The following DLC1 variants were observed in gnomAD, a reference collection of about 807,000 sequenced individuals.
DLC1 encodes the protein DLC1 Rho GTPase activating protein.
DLC1 carries 54 observed loss-of-function variants against 140.3 expected under a neutral mutation model. The observed-to-expected ratio is 0.38, with a 90% CI of 0.31 to 0.48. DLC1 has a LOEUF of 0.48. Ranked by LOEUF, DLC1 falls within the 20% of genes least tolerant of loss-of-function variation. DLC1 has a pLI of 0.96. For missense variants in DLC1, 2,536 were observed against 1,907.0 expected (o/e 1.33, Z -6.14); for synonymous variants, 986 against 728.1 (o/e 1.35, Z -5.70).
At chr8:13,100,910 T>G in intron 8 of DLC1, 140 bp from the exon 9 acceptor site, 2 of 835,068 alleles carry the variant, frequency 2.4e-6, no homozygotes, top group Non-Finnish European at 3.3e-6. Flanking sequence ...TAAAGTTTTT[T>G]TTTTTTTTTT....
At chr8:13,444,710 G>GT (rs1585119135) in intron 2 of DLC1, among the ~76,000 whole-genome samples, 1 of 152,050 alleles carries the variant, frequency 6.6e-6, no homozygotes, top group Admixed American at 6.6e-5. Flanking sequence ...ACACTGTGCT[G>GT]TTTTTTAACA....
At chr8:13,370,755 G>T (rs1422372786) in intron 4 of DLC1, among the ~76,000 whole-genome samples, 1 of 152,140 alleles carries the variant, frequency 6.6e-6, no homozygotes, top group South Asian at 2.1e-4. Context: ...GTGGCAAGAT[G>T]TGTACAGCAT....
At position 13,094,841 on chromosome 8, in the gene DLC1, G is replaced by A. The variant is rs1280940984; in HGVS notation, c.3444C>T (p.Asp1148=). The A allele has an allele frequency of 6.2e-7, 1 of 1,614,188 alleles. No individual in the cohort carries two copies. The highest frequency in any genetic ancestry group is 2.2e-5 in the East Asian group (1 of 44,882). The change falls in exon 12 of 18, where the codon GAC becomes GAT. Residue 1148 remains aspartate (D), a synonymous_variant. Transcript: ENST00000276297. ...YEGQSAYDVA[D]MLKQYFRDLP... is the part of the protein sequence containing the mutation. ...GATCTCGAAAATACTGCTTCAGCAT[G>A]TCTGCCACGTCATAAGCAGACTGTC...
intron 1 of DLC1, among the ~76,000 whole-genome samples, chr8:13,587,720 T>C (rs1805379903): frequency 6.6e-6 from 1 of 151,174 alleles, no homozygotes; most frequent in African/African-American, 2.4e-5. Context: ...GAAGTAAAAA[T>C]GAAGTCTTTT....
chr8:13,136,681 C>T (rs571366686), intron 5 of DLC1, among the ~76,000 whole-genome samples: 7 of 152,158 alleles, frequency 4.6e-5, no homozygotes, highest in East Asian at 3.9e-4. Context: ...ACTACAGGTG[C>T]GTGCCACCAC....
intron 2 of DLC1, among the ~76,000 whole-genome samples, chr8:13,425,205 T>C (rs1838506447): frequency 6.6e-6 from 1 of 151,950 alleles, no homozygotes; most frequent in Non-Finnish European, 1.5e-5. Flanking sequence ...TCCCACAAAC[T>C]CTTCGGCTCC....
rs563031544 is a variant in DLC1 at position 13,365,423 on chromosome 8, A to G, written c.1314+28130T>C. On this transcript the variant is annotated intron_variant, in intron 4 of 17. Transcript: ENST00000276297. ...TGGCCTCAATTCACTTGCAGATACT[A>G]TGATAGTTCCAGGATCTTCTGGAAA... is the stretch of plus-strand genomic sequence containing the variant. 5.9e-5 allele frequency among the ~76,000 whole-genome samples: 9 copies of G among 152,244 alleles called. No homozygotes were observed. In the East Asian group the frequency reaches 9.7e-4, roughly 16 times the overall value.
At chr8:13,545,277 G>C (rs998806835) in intron 1 of DLC1, among the ~76,000 whole-genome samples, 1 of 150,366 alleles carries the variant, frequency 6.7e-6, no homozygotes, top group Non-Finnish European at 1.5e-5. Flanking sequence ...AATAGGGAGA[G>C]GTCTATAATG....
At position 13,531,981 on chromosome 8, in the gene DLC1, C is replaced by T. The variant is rs183163898; in HGVS notation, c.-125-31785G>A. On this transcript the variant is annotated intron_variant, in intron 1 of 1. Transcript: ENST00000631382. ...AGTTAGGGGCAAGACTCTCCGCTCC[C>T]GGCACAAGGAAAGATTTTCTAGTCT... Among the ~76,000 whole-genome samples, 431 of 152,286 alleles carry T rather than the reference C, an allele frequency of 2.8e-3. 3 individuals carry two copies. The highest frequency in any genetic ancestry group is 0.01 in the African/African-American group (419 of 41,548).
chr8:13,560,825 A>G (rs1282514292), intron 1 of DLC1, among the ~76,000 whole-genome samples: 1 of 152,140 alleles, frequency 6.6e-6, no homozygotes, highest in Non-Finnish European at 1.5e-5. Context: ...GGAGAACATC[A>G]TGAGAACGTG....
intron 4 of DLC1, among the ~76,000 whole-genome samples, chr8:13,350,010 C>T (rs1311384119): frequency 6.6e-6 from 1 of 152,102 alleles, no homozygotes; most frequent in Non-Finnish European, 1.5e-5. Flanking sequence ...GGAATTAAGT[C>T]CTTTAGTCTG....
At chr8:13,256,233 G>A (rs1022228178) in intron 5 of DLC1, among the ~76,000 whole-genome samples, 4 of 152,308 alleles carry the variant, frequency 2.6e-5, no homozygotes, top group Non-Finnish European at 5.9e-5. Flanking sequence ...TTGTTACTAC[G>A]TAACTCAAGC....
At chr8:13,447,362 G>C (rs1798823929) in intron 2 of DLC1, among the ~76,000 whole-genome samples, 1 of 152,024 alleles carries the variant, frequency 6.6e-6, no homozygotes, top group African/African-American at 2.4e-5. Context: ...CTAACCTTTT[G>C]CGTGACATTG....
intron 2 of DLC1, among the ~76,000 whole-genome samples, chr8:13,428,045 A>G (rs757597636): frequency 6.6e-6 from 1 of 152,176 alleles, no homozygotes. Context: ...GGGAAGGGCT[A>G]TGATGAAAGT....
intron 1 of DLC1, among the ~76,000 whole-genome samples, chr8:13,587,623 A>G (rs1456825294): frequency 7.0e-6 from 1 of 142,562 alleles, no homozygotes; most frequent in Non-Finnish European, 1.5e-5. Context: ...ATATATATAT[A>G]TACATTGCCT....
chr8:13,496,899 C>G (rs574353686), intron 2 of DLC1, among the ~76,000 whole-genome samples: 8 of 145,272 alleles, frequency 5.5e-5, no homozygotes, highest in African/African-American at 1.8e-4. Flanking sequence ...CTCCCGGGTT[C>G]ATGCCATTCT....
chr8:13,104,536 G>A (rs564531848), intron 7 of DLC1, among the ~76,000 whole-genome samples: 2 of 152,280 alleles, frequency 1.3e-5, no homozygotes, highest in South Asian at 4.1e-4. Context: ...TAATGTGTCT[G>A]TTTGCCATCT....
rs773710263 is a variant in DLC1 at position 13,100,445 on chromosome 8, G to A, written c.1892C>T (p.Ala631Val). ...GCTGCCGAAAGAGTCGTCATTGCCT[G>A]CCAAGTTGCTGGAGGAGCAAACGCT... ...VISVCSSSNLAGNDDSFGSLP... is the reference protein window; with the variant it reads ...VISVCSSSNLVGNDDSFGSLP... The change falls in exon 9 of 18, where the codon GCA becomes GTA. Residue 631 changes from alanine to valine, a missense_variant. By Grantham distance (64) the Ala-to-Val change is moderately conservative. Transcript: ENST00000276297. The A allele has an allele frequency of 6.2e-7, 1 of 1,613,888 alleles. No individual in the cohort carries two copies. The highest frequency in any genetic ancestry group is 8.5e-7 in the Non-Finnish European group (1 of 1,180,032).
At chr8:13,121,441 G>T (rs59811092) in intron 5 of DLC1, among the ~76,000 whole-genome samples, 1 of 152,134 alleles carries the variant, frequency 6.6e-6, no homozygotes, top group Non-Finnish European at 1.5e-5. Flanking sequence ...GGTTCCAGAG[G>T]GCGTTCACTG....
Sources: allele counts gnomAD v4.1 joint callset (sites outside exome capture counted in the v4.1 genomes callset), GRCh38; gene constraint gnomAD v4.1.1; transcripts MANE v1.5; gene names NCBI Gene and HGNC (gene_info 2026-07-23, HGNC 2026-07-21).